UBL3: variants seen among roughly 807,000 people sequenced by gnomAD.
UBL3 encodes ubiquitin like 3.
In UBL3, 6 loss-of-function variants were observed where a neutral mutation model predicts 18.4. The observed-to-expected ratio is 0.33, with a 90% CI of 0.18 to 0.64. The LOEUF is 0.64. UBL3 is among the 30% of genes least tolerant of loss of function. The pLI is 0.76. For missense variants in UBL3, 109 were observed against 142.9 expected, an observed-to-expected ratio of 0.76 and a Z score of 1.21; for synonymous variants, 49 against 46.6, an observed-to-expected ratio of 1.05 and a Z score of -0.21.
intron 1 of UBL3, among the ~76,000 whole-genome samples, chr13:29,842,148 T>TTTA (rs763145765): frequency 1.4e-3 from 38 of 27,856 alleles, no homozygotes; most frequent in African/African-American, 2.5e-3. Context: ...TTTTTTTTTT[T>TTTA]TTTTTTTTTT....
chr13:29,847,040 T>A (rs114131396), intron 1 of UBL3, among the ~76,000 whole-genome samples: 4 of 152,216 alleles, frequency 2.6e-5, no homozygotes. Flanking sequence ...TGTCAATTCA[T>A]GGTATTAAGA....
At chr13:29,825,785 G>A (rs1470834113) in intron 1 of UBL3, among the ~76,000 whole-genome samples, 1 of 152,122 alleles carries the variant, frequency 6.6e-6, no homozygotes, top group Non-Finnish European at 1.5e-5. Flanking sequence ...GTTTTCAAAG[G>A]GAATGCTTCC....
At chr13:29,830,147 A>T (rs1009120250) in intron 1 of UBL3, among the ~76,000 whole-genome samples, 2 of 152,204 alleles carry the variant, frequency 1.3e-5, no homozygotes, top group Admixed American at 1.3e-4. Flanking sequence ...GTAGACTGCT[A>T]TCCCTTTTGT....
intron 1 of UBL3, among the ~76,000 whole-genome samples, chr13:29,814,944 C>G (rs933500212): frequency 2.0e-5 from 3 of 152,102 alleles, no homozygotes; most frequent in Non-Finnish European, 4.4e-5. Context: ...ACTGACCCTG[C>G]ATTGGCCAGT....
chr13:29,848,068 AG>A (rs1169796449), intron 1 of UBL3, among the ~76,000 whole-genome samples: 1 of 152,132 alleles, frequency 6.6e-6, no homozygotes, highest in Non-Finnish European at 1.5e-5. Flanking sequence ...GGTCAAAATA[AG>A]CCATTTAGAA....
In UBL3 at chr13:29,767,524, C is replaced by A. The variant is rs534301084; in HGVS notation, c.301+94G>T. ...AATCTCTATTCATAAACTATGCAAA[C>A]TTCCCTTCCCTCAGCATATCCAAGA... is the stretch of plus-strand genomic sequence containing the variant. On this transcript the variant is annotated intron_variant, in intron 4 of 4. Transcript: ENST00000380680. 7.3e-6 allele frequency: 10 copies of A among 1,378,636 alleles called. No individual in the cohort carries two copies. In the Middle Eastern group the frequency reaches 1.1e-3, roughly 150 times the overall value. 85.4% of individuals were successfully genotyped at this position (1,378,636 alleles called of 1,614,324 possible). A position where few individuals can be genotyped will look rare whatever the true frequency, so the allele number is the denominator to read the frequency against.
chr13:29,827,038 T>A (rs569068304), intron 1 of UBL3, among the ~76,000 whole-genome samples: 34 of 152,224 alleles, frequency 2.2e-4, no homozygotes, highest in Non-Finnish European at 3.7e-4. Flanking sequence ...GATTGCACTG[T>A]GGTCTGAGAG....
At chr13:29,773,395 A>G (rs1876896940) in intron 2 of UBL3, among the ~76,000 whole-genome samples, 1 of 152,124 alleles carries the variant, frequency 6.6e-6, no homozygotes, top group Non-Finnish European at 1.5e-5. Flanking sequence ...GGTCCCTCCT[A>G]TTCTAGAAGA....
chr13:29,767,394 A>T (rs1445856083), intron 4 of UBL3, 87 bp from the exon 5 acceptor site: 1 of 1,473,218 alleles, frequency 6.8e-7, no homozygotes, highest in Non-Finnish European at 9.3e-7. Flanking sequence ...AGGAAGTAGT[A>T]GTTTTGAGTT....
At chr13:29,777,514 AT>A (rs1394720148) in intron 1 of UBL3, 1 of 591,132 alleles carries the variant, frequency 1.7e-6, no homozygotes, top group East Asian at 4.0e-5. Flanking sequence ...GAAAACCAAA[AT>A]TCATTACACT....
chr13:29,788,611 T>G (rs1294562104), intron 1 of UBL3, among the ~76,000 whole-genome samples: 2 of 152,198 alleles, frequency 1.3e-5, no homozygotes, highest in Non-Finnish European at 2.9e-5. Context: ...AAAAGCTTGT[T>G]TTCTCTTAGG....
chr13:29,805,454 G>T (rs1426339930), intron 1 of UBL3, among the ~76,000 whole-genome samples: 2 of 152,194 alleles, frequency 1.3e-5, no homozygotes, highest in African/African-American at 2.4e-5. Context: ...TGATATGTCT[G>T]TCCTCTGGGA....
In UBL3 at chr13:29,848,316, G is replaced by C. The variant is rs530481578; in HGVS notation, c.27+1196C>G. Among the ~76,000 whole-genome samples, 111 of 147,944 alleles carry C rather than the reference G, an allele frequency of 7.5e-4. 1 individual carries two copies. In the South Asian group the frequency reaches 0.023, roughly 31 times the overall value. On this transcript the variant is annotated intron_variant, in intron 1 of 4. Coordinates refer to ENST00000380680, the MANE Select transcript of UBL3 (RefSeq NM_007106.4). Reference sequence around the variant, plus strand: ...AAAAAAAAAAAAAAAAATTAGCCAGGTGTGGTGGTGGGCACCTGTAATCCC... The same window carrying C: ...AAAAAAAAAAAAAAAAATTAGCCAGCTGTGGTGGTGGGCACCTGTAATCCC...
chr13:29,848,139 G>C (rs899481121), intron 1 of UBL3, among the ~76,000 whole-genome samples: 19 of 152,022 alleles, frequency 1.2e-4, no homozygotes, highest in African/African-American at 4.4e-4. Flanking sequence ...AACATCTGGC[G>C]TTTTAAAATT....
chr13:29,823,323 G>A (rs1392575627), intron 1 of UBL3, among the ~76,000 whole-genome samples: 1 of 152,102 alleles, frequency 6.6e-6, no homozygotes, highest in Non-Finnish European at 1.5e-5. Flanking sequence ...TGTATTTTTA[G>A]AAGAGACGGG....
At chr13:29,844,090 A>G (rs940525154) in intron 1 of UBL3, among the ~76,000 whole-genome samples, 4 of 152,178 alleles carry the variant, frequency 2.6e-5, no homozygotes, top group African/African-American at 9.6e-5. Flanking sequence ...TATATAACAG[A>G]AAAACTGGAA....
At chr13:29,811,493 T>C (rs1163445241) in intron 1 of UBL3, among the ~76,000 whole-genome samples, 1 of 152,018 alleles carries the variant, frequency 6.6e-6, no homozygotes, top group Non-Finnish European at 1.5e-5. Context: ...GGAAGACTGA[T>C]GGGGGCTTCT....
chr13:29,839,386 T>A (rs897927536), intron 1 of UBL3, among the ~76,000 whole-genome samples: 1 of 152,226 alleles, frequency 6.6e-6, no homozygotes, highest in African/African-American at 2.4e-5. Flanking sequence ...ATATGCTTTA[T>A]TGAATGATAA....
chr13:29,844,538 A>G (rs760340062), intron 1 of UBL3, among the ~76,000 whole-genome samples: 1 of 152,196 alleles, frequency 6.6e-6, no homozygotes, highest in Non-Finnish European at 1.5e-5. Context: ...TATGCATAGT[A>G]TATTTCATTT....
Sources: allele counts gnomAD v4.1 joint callset (sites outside exome capture counted in the v4.1 genomes callset), GRCh38; gene constraint gnomAD v4.1.1; transcripts MANE v1.5; gene names NCBI Gene and HGNC (gene_info 2026-07-23, HGNC 2026-07-21).